Variants in KLF13 observed in about 807,000 individuals in gnomAD.
KLF13 encodes the protein KLF transcription factor 13, also known as Krueppel-like factor 13.
A neutral mutation model predicts 16.7 loss-of-function variants in KLF13; 8 were observed. The ratio of observed to expected loss-of-function variants is 0.48; its 90% CI spans 0.28 to 0.87. The LOEUF (loss-of-function observed/expected upper bound fraction) is 0.87. KLF13 is among the 40% of genes least tolerant of loss of function. KLF13 has a pLI of 0.10. For synonymous variants in KLF13, 245 were observed against 208.4 expected (o/e 1.18, Z -1.51); for missense variants, 447 against 452.2 (o/e 0.99, Z 0.10).
chr15:31,329,751 G>C (rs1354663004), intron 1 of KLF13, among the ~76,000 whole-genome samples: 2 of 152,232 alleles, frequency 1.3e-5, no homozygotes, highest in East Asian at 3.9e-4. Context: ...TACAGTGCTC[G>C]TTCTTGAAGC....
intron 1 of KLF13, among the ~76,000 whole-genome samples, chr15:31,423,494 T>C (rs28767583): frequency 0.11 from 16,013 of 151,492 alleles, 2,944 homozygotes; most frequent in African/African-American, 0.37. Context: ...TAGCCGGGTG[T>C]GGTGGTGGGT....
intron 1 of KLF13, among the ~76,000 whole-genome samples, chr15:31,413,789 T>C (rs1459842532): frequency 6.6e-6 from 1 of 152,196 alleles, no homozygotes; most frequent in African/African-American, 2.4e-5. Flanking sequence ...CCACAGAATT[T>C]GTTCCACAGA....
intron 1 of KLF13, among the ~76,000 whole-genome samples, chr15:31,369,874 T>C (rs1234679320): frequency 6.6e-6 from 1 of 152,196 alleles, no homozygotes. Flanking sequence ...CTTGTTCCTT[T>C]GTGGATGACC....
At chr15:31,435,302 C>T (rs2141018795) in intron 1 of KLF13, 1 of 152,264 alleles carries the variant, frequency 6.6e-6, no homozygotes, top group South Asian at 2.1e-4. Context: ...TAGGGTCATG[C>T]TTAGGACCCT....
At chr15:31,401,657 G>A (rs1405874996) in intron 2 of KLF13, among the ~76,000 whole-genome samples, 1 of 152,180 alleles carries the variant, frequency 6.6e-6, no homozygotes, top group Non-Finnish European at 1.5e-5. Flanking sequence ...CACTCAGCGG[G>A]AAAGACTATA....
intron 1 of KLF13, among the ~76,000 whole-genome samples, chr15:31,328,080 C>T (rs1482603654): frequency 6.7e-6 from 1 of 149,016 alleles, no homozygotes; most frequent in Non-Finnish European, 1.5e-5. Context: ...GTCATCTGGG[C>T]TGGGGGCGGG....
At chr15:31,347,644 T>C (rs2039145633) in intron 1 of KLF13, among the ~76,000 whole-genome samples, 1 of 152,130 alleles carries the variant, frequency 6.6e-6, no homozygotes, top group African/African-American at 2.4e-5. Flanking sequence ...CGGGGCAGTG[T>C]GACTTGGGAA....
intron 1 of KLF13, among the ~76,000 whole-genome samples, chr15:31,434,621 G>A (rs7402977): frequency 0.27 from 41,376 of 152,060 alleles, 5,893 homozygotes; most frequent in East Asian, 0.44. Flanking sequence ...CTGGTTCCAC[G>A]GGGCTGGACC....
chr15:31,349,455 C>T (rs575085420), intron 1 of KLF13, among the ~76,000 whole-genome samples: 7 of 152,320 alleles, frequency 4.6e-5, no homozygotes, highest in East Asian at 3.9e-4. Context: ...GCCACCATGC[C>T]GAGGACCTGG....
intron 1 of KLF13, among the ~76,000 whole-genome samples, chr15:31,333,662 T>G (rs1203751796): frequency 2.0e-5 from 3 of 152,220 alleles, no homozygotes; most frequent in Non-Finnish European, 4.4e-5. Context: ...TGATACGCAG[T>G]CCATATTCAG....
chr15:31,343,893 G>C (rs1188388209), intron 1 of KLF13, among the ~76,000 whole-genome samples: 2 of 152,118 alleles, frequency 1.3e-5, no homozygotes, highest in African/African-American at 2.4e-5. Context: ...TTGATCTCCT[G>C]TCCCCACCCA....
chr15:31,351,228 G>A (rs1394709856), intron 1 of KLF13, among the ~76,000 whole-genome samples: 1 of 152,152 alleles, frequency 6.6e-6, no homozygotes, highest in Non-Finnish European at 1.5e-5. Flanking sequence ...TGAGTGCCTG[G>A]CATTTGTTTT....
At chr15:31,424,947 G>A (rs1240364334) in intron 1 of KLF13, among the ~76,000 whole-genome samples, 2 of 146,960 alleles carry the variant, frequency 1.4e-5, no homozygotes, top group South Asian at 2.1e-4. Flanking sequence ...AAGTTGCAGG[G>A]TACAAAAATC....
At chr15:31,406,589 A>C (rs2040132345), downstream of KLF13, among the ~76,000 whole-genome samples, 1 of 152,204 alleles carries the variant, frequency 6.6e-6, no homozygotes, top group Admixed American at 6.5e-5. Context: ...GTTGGTAACC[A>C]ATAACCACAC....
chr15:31,428,820 A>AAAAAAAAAAAAAAAAAAAAAAG (rs61521558), intron 1 of KLF13, among the ~76,000 whole-genome samples: 9 of 72,650 alleles, frequency 1.2e-4, no homozygotes, highest in South Asian at 5.8e-4. Context: ...AAAAAAAAAA[A>AAAAAAAAAAAAAAAAAAAAAAG]AAAAAGAAAA....
chr15:31,392,402 G>T (rs1438758532), upstream of KLF13, among the ~76,000 whole-genome samples: 1 of 152,202 alleles, frequency 6.6e-6, no homozygotes, highest in Non-Finnish European at 1.5e-5. Flanking sequence ...GGACGGGGCG[G>T]CGGTGCTGAG....
At chr15:31,335,951 C>T (rs1411774686) in intron 1 of KLF13, among the ~76,000 whole-genome samples, 2 of 152,262 alleles carry the variant, frequency 1.3e-5, no homozygotes, top group African/African-American at 4.8e-5. Context: ...CCTTGGCCTC[C>T]TGTCTCAGGA....
chr15:31,385,996 C>T (rs1336264125), intron 1 of KLF13, among the ~76,000 whole-genome samples: 6 of 152,160 alleles, frequency 3.9e-5, no homozygotes, highest in South Asian at 2.1e-4. Flanking sequence ...ATGAATGATA[C>T]GAAAGTGAAA....
At chr15:31,382,782 T>A (rs1343819455), downstream of KLF13, among the ~76,000 whole-genome samples, 1 of 152,242 alleles carries the variant, frequency 6.6e-6, no homozygotes, top group African/African-American at 2.4e-5. Context: ...TGTGACTCCC[T>A]GTGCCCAGGC....
Sources: gnomAD v4.1 joint callset for allele counts (sites outside exome capture counted in the v4.1 genomes callset) on GRCh38, gnomAD v4.1.1 for gene constraint, MANE v1.5 for transcripts, NCBI Gene and HGNC (gene_info 2026-07-23, HGNC 2026-07-21) for gene names.